Variants in RELN observed in about 807,000 individuals in gnomAD.
The protein encoded by RELN is reelin.
RELN carries 108 observed loss-of-function variants against 427.6 expected under a neutral mutation model. That is an observed-to-expected ratio of 0.25 (90% CI 0.22 to 0.30). The LOEUF is 0.30. Among genes scored for constraint, RELN ranks in the 10% least tolerant of loss-of-function variants. The probability of loss-of-function intolerance (pLI) is 1.00; values close to 1 mark genes in which losing one functional copy is unlikely to be tolerated. For missense variants in RELN, 3,715 were observed against 4,302.8 expected (o/e 0.86, Z 3.82); for synonymous variants, 1,524 against 1,513.4 (o/e 1.01, Z -0.16).
At chr7:103,543,805 C>A (rs1237097639) in intron 42 of RELN, among the ~76,000 whole-genome samples, 10 of 152,062 alleles carry the variant, frequency 6.6e-5, no homozygotes, top group African/African-American at 2.4e-4. Context: ...TCAAAGTAAA[C>A]AATTCACTGG....
intron 1 of RELN, among the ~76,000 whole-genome samples, chr7:103,982,930 G>C (rs2116846098): frequency 6.6e-6 from 1 of 152,258 alleles, no homozygotes; most frequent in African/African-American, 2.4e-5. Context: ...AAAGTAGCTA[G>C]GATCACAAGC....
At chr7:103,972,892 T>TTGTGTGTGTGTG (rs1266906272) in intron 1 of RELN, among the ~76,000 whole-genome samples, 3 of 73,794 alleles carry the variant, frequency 4.1e-5, no homozygotes, top group South Asian at 3.9e-4. Context: ...GGGCATATGA[T>TTGTGTGTGTGTG]TATGTGTGTG....
intron 8 of RELN, among the ~76,000 whole-genome samples, chr7:103,722,076 T>C (rs892227089): frequency 6.6e-6 from 1 of 152,214 alleles, no homozygotes; most frequent in Non-Finnish European, 1.5e-5. Flanking sequence ...ACTTCTGAAC[T>C]GTCTGTAAAT....
chr7:103,775,881 C>T (rs1791726134), intron 4 of RELN, among the ~76,000 whole-genome samples: 1 of 152,152 alleles, frequency 6.6e-6, no homozygotes, highest in African/African-American at 2.4e-5. Context: ...AGGGCAACAT[C>T]CACCCCTTTT....
chr7:103,696,761 A>G (rs75919498), intron 10 of RELN, among the ~76,000 whole-genome samples: 3,998 of 152,146 alleles, frequency 0.026, 186 homozygotes, highest in African/African-American at 0.091. Flanking sequence ...GTCTCTCTGC[A>G]TGCACTTTTT....
At chr7:103,686,395 A>G (rs1452902111) in intron 10 of RELN, among the ~76,000 whole-genome samples, 1 of 152,178 alleles carries the variant, frequency 6.6e-6, no homozygotes, top group African/African-American at 2.4e-5. Flanking sequence ...TTGAAAATGC[A>G]TGGCTTCCAC....
At chr7:103,567,760 G>C (rs374351771) in intron 31 of RELN, among the ~76,000 whole-genome samples, 133 of 149,752 alleles carry the variant, frequency 8.9e-4, no homozygotes, top group African/African-American at 3.0e-3. Flanking sequence ...GCTCAGTAAA[G>C]TTGTTATTTT....
chr7:103,675,089 G>A (rs1160012541), intron 11 of RELN, among the ~76,000 whole-genome samples: 1 of 152,180 alleles, frequency 6.6e-6, no homozygotes, highest in Non-Finnish European at 1.5e-5. Context: ...AAAAGCTGAA[G>A]TCAAATTGTC....
intron 16 of RELN, among the ~76,000 whole-genome samples, chr7:103,650,068 C>T (rs1356198102): frequency 1.4e-5 from 2 of 143,016 alleles, no homozygotes; most frequent in Non-Finnish European, 3.0e-5. Context: ...GCATCTAATA[C>T]TGCTGACTTC....
intron 19 of RELN, among the ~76,000 whole-genome samples, chr7:103,631,960 A>G (rs1832478220): frequency 6.6e-6 from 1 of 152,154 alleles, no homozygotes; most frequent in Non-Finnish European, 1.5e-5. Flanking sequence ...ATAAATTATT[A>G]TTTTTTAACA....
intron 4 of RELN, among the ~76,000 whole-genome samples, chr7:103,756,424 T>C (rs949744389): frequency 6.6e-6 from 1 of 152,138 alleles, no homozygotes; most frequent in Non-Finnish European, 1.5e-5. Flanking sequence ...TGAACTGTTC[T>C]CTGTGTTAAG....
chr7:103,940,977 A>G (rs758389242), intron 1 of RELN, among the ~76,000 whole-genome samples: 2 of 152,156 alleles, frequency 1.3e-5, no homozygotes, highest in African/African-American at 2.4e-5. Flanking sequence ...AGTAACCTCT[A>G]ATTCTAAAGG....
intron 4 of RELN, among the ~76,000 whole-genome samples, chr7:103,754,922 G>T (rs1791095933): frequency 6.6e-6 from 1 of 152,190 alleles, no homozygotes; most frequent in East Asian, 1.9e-4. Flanking sequence ...AGCTAAGAGA[G>T]TTGAAGGAGA....
intron 2 of RELN, among the ~76,000 whole-genome samples, chr7:103,869,166 T>C (rs1794269672): frequency 6.6e-6 from 1 of 152,076 alleles, no homozygotes; most frequent in Admixed American, 6.6e-5. Flanking sequence ...AGTTGTAAAG[T>C]AAGAAGTTCG....
chr7:103,697,894 C>T lies in RELN; in HGVS notation c.1102G>A (p.Asp368Asn). Residue 368 changes from aspartate to asparagine, a missense_variant, in exon 10 of 65, where the codon GAC (aspartate) becomes AAC (asparagine). Around this residue, in one of 4 missense-constraint regions of RELN, gnomAD observed 2,208 missense variants for 2,361.7 expected, o/e 0.93. Transcript: ENST00000428762. Reference protein sequence around the residue: ...VVLEDSLDPVDTGNWLFFPGA... With the variant: ...VVLEDSLDPVNTGNWLFFPGA... ...GGGAAGAAAAGCCAGTTGCCTGTGT[C>T]CACTGGGTCGAGACTATCTTCTAAA... The T allele has an allele frequency of 6.2e-7, 1 of 1,613,742 alleles. No individual in the cohort carries two copies. Among genetic ancestry groups the T allele is most frequent in the Admixed American group, 1.7e-5 (1 of 59,918 alleles).
intron 28 of RELN, among the ~76,000 whole-genome samples, chr7:103,586,205 A>G (rs1355859716): frequency 6.6e-6 from 1 of 152,050 alleles, no homozygotes; most frequent in Non-Finnish European, 1.5e-5. Context: ...CTACTAAAAA[A>G]TACAAAAATT....
intron 20 of RELN, among the ~76,000 whole-genome samples, chr7:103,624,171 T>G (rs1332968388): frequency 6.6e-6 from 1 of 152,160 alleles, no homozygotes; most frequent in African/African-American, 2.4e-5. Flanking sequence ...ACAAATAATT[T>G]TTTCTTGTTC....
chr7:103,487,350 C>T (rs1467721350), intron 60 of RELN, among the ~76,000 whole-genome samples: 1 of 149,426 alleles, frequency 6.7e-6, no homozygotes, highest in African/African-American at 2.5e-5. Flanking sequence ...CACATGTATA[C>T]CTATGTAACA....
chr7:103,810,512 T>C (rs1792713612), intron 3 of RELN, among the ~76,000 whole-genome samples: 1 of 152,338 alleles, frequency 6.6e-6, no homozygotes. Flanking sequence ...GGCAGAAATA[T>C]GTCACATTCT....
Sources: allele counts gnomAD v4.1 joint callset (sites outside exome capture counted in the v4.1 genomes callset), GRCh38; gene constraint gnomAD v4.1.1; regional missense constraint gnomAD v4.1.1; transcripts MANE v1.5; gene names NCBI Gene and HGNC (gene_info 2026-07-23, HGNC 2026-07-21).